SCHIP1: variants seen among roughly 807,000 people sequenced by gnomAD.
The protein encoded by SCHIP1 is schwannomin-interacting protein 1.
SCHIP1 carries 8 observed loss-of-function variants against 29.7 expected under a neutral mutation model. The observed-to-expected ratio is 0.27, with a 90% CI of 0.16 to 0.49. The LOEUF (loss-of-function observed/expected upper bound fraction) is 0.49. Among genes scored for constraint, SCHIP1 ranks in the 20% least tolerant of loss-of-function variants. The pLI is 0.99. For missense variants in SCHIP1, 193 were observed against 294.6 expected (o/e 0.66, Z 2.52); for synonymous variants, 76 against 94.9 (o/e 0.80, Z 1.16).
chr3:159,516,263 C>G, the SCHIP1 span, among the ~76,000 whole-genome samples: 1 of 152,112 alleles, frequency 6.6e-6, no homozygotes, highest in Admixed American at 6.6e-5. Flanking sequence ...ATATGGACAT[C>G]AAAAGTCCAT....
the SCHIP1 span, among the ~76,000 whole-genome samples, chr3:159,719,051 C>A: frequency 6.6e-6 from 1 of 152,118 alleles, no homozygotes; most frequent in African/African-American, 2.4e-5. Flanking sequence ...ACCAATGGAA[C>A]AGAACAGCGC....
At chr3:159,459,773 G>A in the SCHIP1 span, among the ~76,000 whole-genome samples, 1 of 152,026 alleles carries the variant, frequency 6.6e-6, no homozygotes, top group East Asian at 1.9e-4. Flanking sequence ...GTTAAAATGG[G>A]GTCATTAGGG....
At chr3:159,608,564 G>A in the SCHIP1 span, among the ~76,000 whole-genome samples, 1 of 152,278 alleles carries the variant, frequency 6.6e-6, no homozygotes, top group Non-Finnish European at 1.5e-5. Context: ...TCAAAATGCT[G>A]TAAAATAAAT....
the SCHIP1 span, chr3:159,375,753 TAAATAAAC>T: frequency 4.5e-6 from 4 of 884,108 alleles, no homozygotes; most frequent in Non-Finnish European, 5.4e-6. Flanking sequence ...AATAAATAAA[TAAATAAAC>T]TGTTTGATAC....
the SCHIP1 span, among the ~76,000 whole-genome samples, chr3:159,776,396 G>A: frequency 0.27 from 40,349 of 147,660 alleles, 5,542 homozygotes; most frequent in East Asian, 0.37. Context: ...AGCTTCAACA[G>A]TGTGGAAGGG....
At chr3:159,318,464 C>A in the SCHIP1 span, among the ~76,000 whole-genome samples, 1 of 152,220 alleles carries the variant, frequency 6.6e-6, no homozygotes, top group Non-Finnish European at 1.5e-5. Flanking sequence ...CAAAGCTCTG[C>A]CCACTGGGAA....
chr3:159,276,721 A>C, the SCHIP1 span, among the ~76,000 whole-genome samples: 1 of 152,208 alleles, frequency 6.6e-6, no homozygotes, highest in Non-Finnish European at 1.5e-5. Flanking sequence ...CAAGATATAC[A>C]CATTGCTGAA....
chr3:159,610,438 C>G, the SCHIP1 span, among the ~76,000 whole-genome samples: 1 of 152,196 alleles, frequency 6.6e-6, no homozygotes. Context: ...TTTTCCAAGT[C>G]GGATTCAATA....
chr3:159,665,556 G>A, the SCHIP1 span, among the ~76,000 whole-genome samples: 3 of 150,650 alleles, frequency 2.0e-5, no homozygotes, highest in African/African-American at 7.3e-5. Context: ...TTGTGTGTGT[G>A]TGTGTGTGTG....
chr3:159,346,307 A>G, the SCHIP1 span, among the ~76,000 whole-genome samples: 24 of 150,062 alleles, frequency 1.6e-4, no homozygotes, highest in Non-Finnish European at 2.1e-4. Context: ...AAGCAATACA[A>G]CATTCAATGA....
At chr3:159,862,093 G>A (rs75097450) in intron 1 of SCHIP1, among the ~76,000 whole-genome samples, 8,241 of 152,224 alleles carry the variant, frequency 0.054, 342 homozygotes, top group Non-Finnish European at 0.067. Flanking sequence ...TATTTGTATT[G>A]TGGATATTTG....
chr3:159,422,915 G>A, the SCHIP1 span, among the ~76,000 whole-genome samples: 2 of 151,578 alleles, frequency 1.3e-5, no homozygotes, highest in African/African-American at 4.8e-5. Context: ...ACATTCTAGT[G>A]CATGGAATTA....
chr3:159,273,826 G>T, the SCHIP1 span: 2 of 1,613,522 alleles, frequency 1.2e-6, no homozygotes. Flanking sequence ...GCACCATGGA[G>T]AGGTCCGGGC....
chr3:159,739,871 A>G, the SCHIP1 span, among the ~76,000 whole-genome samples: 1 of 152,256 alleles, frequency 6.6e-6, no homozygotes, highest in African/African-American at 2.4e-5. Context: ...ACTGCGACCA[A>G]GTCTACATTT....
the SCHIP1 span, among the ~76,000 whole-genome samples, chr3:159,810,052 T>C: frequency 6.6e-6 from 1 of 152,186 alleles, no homozygotes; most frequent in Admixed American, 6.5e-5. Flanking sequence ...TTTTTGTTGT[T>C]GTTGTTGTTT....
chr3:159,746,741 A>C, the SCHIP1 span, among the ~76,000 whole-genome samples: 2 of 152,060 alleles, frequency 1.3e-5, no homozygotes. Context: ...CTTTCCAGCT[A>C]TTCTATACCA....
At chr3:159,610,836 C>CA in the SCHIP1 span, among the ~76,000 whole-genome samples, 1 of 151,882 alleles carries the variant, frequency 6.6e-6, no homozygotes, top group Non-Finnish European at 1.5e-5. Flanking sequence ...GTGAAGAGCT[C>CA]AATGAAACAT....
At chr3:159,894,169 A>T (rs1293154865) in intron 6 of SCHIP1, 2 of 152,216 alleles carry the variant, frequency 1.3e-5, no homozygotes, top group East Asian at 3.8e-4. Flanking sequence ...CTTGTGGGCT[A>T]GCGTGGGCAT....
At chr3:159,385,223 C>G in the SCHIP1 span, among the ~76,000 whole-genome samples, 1 of 152,108 alleles carries the variant, frequency 6.6e-6, no homozygotes, top group African/African-American at 2.4e-5. Context: ...CACACCAGTT[C>G]ATAAGAGAGA....
Sources: gnomAD v4.1 joint callset for allele counts (sites outside exome capture counted in the v4.1 genomes callset) on GRCh38, gnomAD v4.1.1 for gene constraint, MANE v1.5 for transcripts, NCBI Gene and HGNC (gene_info 2026-07-23, HGNC 2026-07-21) for gene names.